Variants in EPS8 observed in about 807,000 individuals in gnomAD.
EPS8 encodes the protein epidermal growth factor receptor kinase substrate 8.
Under a neutral mutation model 103.8 loss-of-function variants are expected in EPS8, and 42 were observed. That is an observed-to-expected ratio of 0.40 (90% confidence interval 0.32 to 0.52). The LOEUF (loss-of-function observed/expected upper bound fraction) is 0.52, where lower values mean the gene tolerates loss of function less well. Ranked by LOEUF, EPS8 falls within the 20% of genes least tolerant of loss-of-function variation. EPS8 has a pLI of 0.40. For missense variants in EPS8, 969 were observed against 1,005.1 expected (o/e 0.96, Z 0.49); for synonymous variants, 344 against 344.6 (o/e 1.00, Z 0.02).
intron 14 of EPS8, among the ~76,000 whole-genome samples, chr12:15,649,817 G>A (rs888140023): frequency 1.3e-5 from 2 of 152,028 alleles, no homozygotes; most frequent in African/African-American, 4.8e-5. Flanking sequence ...AATACACCAT[G>A]GTTTGACAAT....
Position 15,631,679 on chromosome 12 carries a change from ATAAT to A in EPS8, c.1822-19_1822-16del, listed in dbSNP as rs759291884. 2.5e-6 allele frequency: 4 copies of A among 1,577,872 alleles called. No homozygotes were observed. Among genetic ancestry groups the A allele is most frequent in the Middle Eastern group, 1.8e-4 (1 of 5,642 alleles). On this transcript the variant is annotated splice_polypyrimidine_tract_variant and intron_variant, in intron 17 of 20. Coordinates refer to ENST00000281172, the MANE Select transcript of EPS8 (RefSeq NM_004447.6). Reference sequence around the variant, plus strand: ...ATCCTTTGTTTCTATAAAAAGACAAATAATTAACTTAAAATTTAAAAAATATAAA... The same window carrying A: ...ATCCTTTGTTTCTATAAAAAGACAAATAACTTAAAATTTAAAAAATATAAA...
chr12:15,731,740 A>G lies in EPS8; in HGVS notation c.-21-48768T>C, dbSNP rs917458463. Among the ~76,000 whole-genome samples the G allele has an allele frequency of 6.6e-6, 1 of 152,234 alleles. No individual in the cohort carries two copies. Among genetic ancestry groups the G allele is most frequent in the Non-Finnish European group, 1.5e-5 (1 of 68,044 alleles). On this transcript the variant is annotated intron_variant, in intron 1 of 20. Coordinates refer to ENST00000281172, the MANE Select transcript of EPS8 (RefSeq NM_004447.6). The surrounding 1 kb of genome is among the most constrained non-coding windows in gnomAD (Gnocchi z 5.1). ...TCATTTTGTCTTCGTGTAAGGGTCA[A>G]TAATTTCAATCATCCCCCAAACTGG...
chr12:15,720,769 G>A (rs907992563), intron 1 of EPS8, among the ~76,000 whole-genome samples: 1 of 151,954 alleles, frequency 6.6e-6, no homozygotes, highest in African/African-American at 2.4e-5. Flanking sequence ...TGCTCACTTT[G>A]CCCCAGCTGT....
chr12:15,732,147 G>A (rs1946723529), intron 1 of EPS8, among the ~76,000 whole-genome samples: 1 of 152,092 alleles, frequency 6.6e-6, no homozygotes, highest in African/African-American at 2.4e-5. Flanking sequence ...ATTAATCTCA[G>A]CCAGAAATGT....
rs117613347 is a variant in EPS8 at position 15,748,441 on chromosome 12, T to C, written c.-22+40720A>G. On this transcript the variant is annotated intron_variant, in intron 1 of 20. Coordinates refer to ENST00000281172, the MANE Select transcript of EPS8 (RefSeq NM_004447.6). The surrounding 1 kb of genome is among the most constrained non-coding windows in gnomAD (Gnocchi z 4.8). ...ATAATATCAATTTTCTAAGTCTGGG[T>C]TTTTACACATCTTGTTTTTTTTTAA... is the stretch of plus-strand genomic sequence containing the variant. Among the ~76,000 whole-genome samples, 165 of 152,058 alleles carry C rather than the reference T, an allele frequency of 1.1e-3. 2 individuals are homozygous for C. In the East Asian group the frequency reaches 0.03, roughly 28 times the overall value.
Position 15,654,206 on chromosome 12 carries a change from T to C in EPS8, c.1189A>G (p.Thr397Ala). ...AGCTGCCGTTCATCACCATTGACAG[T>C]ATAATTTAAGAAATCAATTGTGTCC... ...NKDTIDFLNY[T>A]VNGDERQLWM... Residue 397 changes from threonine to alanine, a missense_variant, in exon 13 of 21, where the codon ACT becomes GCT. Coordinates refer to ENST00000281172, the MANE Select transcript of EPS8 (RefSeq NM_004447.6). 3.7e-6 allele frequency: 6 copies of C among 1,613,728 alleles called. No homozygotes were observed. The highest frequency in any genetic ancestry group is 3.4e-6 in the Non-Finnish European group (4 of 1,179,700).
intron 6 of EPS8, among the ~76,000 whole-genome samples, chr12:15,668,036 C>T (rs1004649145): frequency 3.9e-5 from 6 of 152,014 alleles, no homozygotes; most frequent in African/African-American, 9.7e-5. Context: ...TCAACTTAGG[C>T]CTCTGGTTTA....
At position 15,736,043 on chromosome 12, in the gene EPS8, A is replaced by G. The variant is rs1241541911; in HGVS notation, c.-21-53071T>C. Reference sequence around the variant, plus strand: ...TAGGACTACAGGTGCGTACCACCATACCCAGCTAATTTTTAAATTCTTTTG... The same window carrying G: ...TAGGACTACAGGTGCGTACCACCATGCCCAGCTAATTTTTAAATTCTTTTG... On this transcript the variant is annotated intron_variant, in intron 1 of 20. Coordinates refer to ENST00000281172, the MANE Select transcript of EPS8 (RefSeq NM_004447.6). This position sits in a 1 kb window ranked among gnomAD's most constrained non-coding sequence, Gnocchi z 4.2. 6.6e-6 allele frequency among the ~76,000 whole-genome samples: 1 copy of G among 151,980 alleles called. No homozygotes were observed. The highest frequency in any genetic ancestry group is 1.5e-5 in the Non-Finnish European group (1 of 67,984).
In EPS8 at chr12:15,787,265, T is replaced by C. The variant is rs1356976093; in HGVS notation, c.-22+1896A>G. Among the ~76,000 whole-genome samples, 2 of 152,034 alleles carry C rather than the reference T, an allele frequency of 1.3e-5. No individual in the cohort carries two copies. The highest frequency in any genetic ancestry group is 4.8e-5 in the African/African-American group (2 of 41,416). ...GTGAAACAGAGTGTAAGAAAATAACTAGGATTTGGAATGTAATAAACACAA... is the reference window on the plus strand; with the variant it reads ...GTGAAACAGAGTGTAAGAAAATAACCAGGATTTGGAATGTAATAAACACAA... On this transcript the variant is annotated intron_variant, in intron 1 of 20. Coordinates refer to ENST00000281172, the MANE Select transcript of EPS8 (RefSeq NM_004447.6). This position sits in a 1 kb window ranked among gnomAD's most constrained non-coding sequence, Gnocchi z 4.9.
rs1241543560 is a variant in EPS8, at chr12:15,695,439, C to T, written c.-21-12467G>A. Among the ~76,000 whole-genome samples, 1 of 152,240 alleles carries T rather than the reference C, an allele frequency of 6.6e-6. No homozygotes were observed. The highest frequency in any genetic ancestry group is 1.5e-5 in the Non-Finnish European group (1 of 68,050). ...ATAATAGAAATGCACTATATTAGCA[C>T]TGCTCAATACAGTAGCTGAGCACAA... On this transcript the variant is annotated intron_variant, in intron 1 of 20. Transcript: ENST00000281172. This position sits in a 1 kb window ranked among gnomAD's most constrained non-coding sequence, Gnocchi z 5.0.
At position 15,631,494 on chromosome 12, in the gene EPS8, A is replaced by C; in HGVS notation, c.1992T>G (p.Ser664Arg). ...GGCTGTCTCGCACGATACTGCCACC[A>C]CTGTCACTGGAGCTGCTGTTTTGAC... ...ITRQNSSSSD[S>R]GGSIVRDSQR... Residue 664 changes from serine to arginine, a missense_variant, in exon 18 of 21, where the codon AGT (serine) becomes AGG (arginine). Transcript: ENST00000281172. The C allele has an allele frequency of 6.2e-7, 1 of 1,613,964 alleles. No individual in the cohort carries two copies. Among genetic ancestry groups the C allele is most frequent in the South Asian group, 1.1e-5 (1 of 91,062 alleles).
intron 1 of EPS8, among the ~76,000 whole-genome samples, chr12:15,718,187 A>G (rs138635966): frequency 2.6e-5 from 4 of 152,316 alleles, no homozygotes; most frequent in Admixed American, 2.0e-4. Context: ...AATGAGACCA[A>G]TGAGACCAAT....
Position 15,681,305 on chromosome 12 carries a change from G to GTAA in EPS8, c.60-6_60-4dup, listed in dbSNP as rs201331879. ...AGGTAGGTGATGATCCGTAGCCACT[G>GTAA]TAATAATAATAATAATAATAATAAT... On this transcript the variant is annotated splice_polypyrimidine_tract_variant and splice_region_variant and intron_variant, in intron 2 of 20. Coordinates refer to ENST00000281172, the MANE Select transcript of EPS8 (RefSeq NM_004447.6). 26,150 of 1,080,868 alleles carry GTAA rather than the reference G, an allele frequency of 0.024. 716 individuals carry two copies. The highest frequency in any genetic ancestry group is 0.14 in the African/African-American group (7,755 of 56,712). 67.0% of individuals were successfully genotyped at this position (1,080,868 alleles called of 1,614,324 possible).
intron 6 of EPS8, among the ~76,000 whole-genome samples, chr12:15,668,169 T>C (rs1945749976): frequency 6.6e-6 from 1 of 152,204 alleles, no homozygotes; most frequent in Admixed American, 6.5e-5. Flanking sequence ...AAAGGCACTA[T>C]ACAAAAATCT....
chr12:15,626,810 A>G (rs745466416), intron 18 of EPS8, among the ~76,000 whole-genome samples: 5 of 151,802 alleles, frequency 3.3e-5, no homozygotes, highest in Non-Finnish European at 5.9e-5. Flanking sequence ...GTGCTCTTCA[A>G]ATTTAAAGGC....
At chr12:15,686,459 A>C (rs1946097129) in intron 1 of EPS8, among the ~76,000 whole-genome samples, 1 of 152,174 alleles carries the variant, frequency 6.6e-6, no homozygotes, top group Non-Finnish European at 1.5e-5. Context: ...TTTCCTTATG[A>C]AAACACTTTT....
chr12:15,654,463 GC>G, intron 12 of EPS8, 170 bp from the exon 13 acceptor site: 1 of 651,464 alleles, frequency 1.5e-6, no homozygotes, highest in South Asian at 1.9e-5. Flanking sequence ...AAATCAACTT[GC>G]CCAGCCCAGC....
intron 14 of EPS8, among the ~76,000 whole-genome samples, chr12:15,647,539 AC>A (rs1288373702): frequency 6.6e-6 from 1 of 152,166 alleles, no homozygotes; most frequent in African/African-American, 2.4e-5. Context: ...AATCAACTGA[AC>A]CCTATGCATT....
At position 15,727,233 on chromosome 12, in the gene EPS8, C is replaced by A. The variant is rs1249690594; in HGVS notation, c.-21-44261G>T. 1.3e-5 allele frequency among the ~76,000 whole-genome samples: 2 copies of A among 152,160 alleles called. No homozygotes were observed. The highest frequency in any genetic ancestry group is 1.3e-4 in the Admixed American group (2 of 15,278). On this transcript the variant is annotated intron_variant, in intron 1 of 20. Coordinates refer to ENST00000281172, the MANE Select transcript of EPS8 (RefSeq NM_004447.6). The surrounding 1 kb of genome is among the most constrained non-coding windows in gnomAD (Gnocchi z 4.3). Reference sequence around the variant, plus strand: ...ATTACTTCCCTCGTGGATTTAATATCTACCTTTATACGTAGGACTTTACAC... The same window carrying A: ...ATTACTTCCCTCGTGGATTTAATATATACCTTTATACGTAGGACTTTACAC...
Sources: allele counts gnomAD v4.1 joint callset (sites outside exome capture counted in the v4.1 genomes callset), GRCh38; gene constraint gnomAD v4.1.1; non-coding constraint Gnocchi (gnomAD v3.1); transcripts MANE v1.5; gene names NCBI Gene and HGNC (gene_info 2026-07-23, HGNC 2026-07-21).